The following CNTN5 variants were observed in gnomAD, a reference collection of about 807,000 sequenced individuals.
The protein encoded by CNTN5 is contactin-5.
In CNTN5, 77 loss-of-function variants were observed where a neutral mutation model predicts 129.1. The ratio of observed to expected loss-of-function variants is 0.60; its 90% CI spans 0.50 to 0.72. The LOEUF is 0.72. CNTN5 is among the 30% of genes least tolerant of loss of function. The pLI, the probability that CNTN5 is intolerant of heterozygous loss-of-function variation, is 0.00. For synonymous variants in CNTN5, 509 were observed against 465.6 expected (o/e 1.09, Z -1.20); for missense variants, 1,478 against 1,328.8 (o/e 1.11, Z -1.75).
chr11:99,317,646 T>C (rs1385829590), intron 1 of CNTN5, among the ~76,000 whole-genome samples: 1 of 152,146 alleles, frequency 6.6e-6, no homozygotes, highest in African/African-American at 2.4e-5. Flanking sequence ...ATAACACTGC[T>C]TAAATATCAA....
intron 1 of CNTN5, among the ~76,000 whole-genome samples, chr11:99,113,944 C>G (rs1422600714): frequency 6.6e-6 from 1 of 152,146 alleles, no homozygotes; most frequent in East Asian, 1.9e-4. Flanking sequence ...TCCTGAGACT[C>G]CTAATGAATC....
intron 21 of CNTN5, among the ~76,000 whole-genome samples, chr11:100,330,765 C>G (rs1438611854): frequency 6.6e-6 from 1 of 152,122 alleles, no homozygotes; most frequent in Non-Finnish European, 1.5e-5. Flanking sequence ...CTCTTCCAGA[C>G]AAACAAATGC....
At chr11:100,000,630 T>A (rs1273158699) in intron 8 of CNTN5, among the ~76,000 whole-genome samples, 1 of 152,144 alleles carries the variant, frequency 6.6e-6, no homozygotes, top group East Asian at 1.9e-4. Flanking sequence ...CAGTAAACAA[T>A]ACCCCAGTGG....
chr11:99,056,910 G>A (rs1056949605), intron 1 of CNTN5, among the ~76,000 whole-genome samples: 1 of 151,972 alleles, frequency 6.6e-6, no homozygotes, highest in African/African-American at 2.4e-5. Context: ...ATTTTTGAAT[G>A]TAACTTTTCT....
chr11:100,173,157 C>T (rs555437696), intron 13 of CNTN5, among the ~76,000 whole-genome samples: 17 of 152,244 alleles, frequency 1.1e-4, no homozygotes, highest in Middle Eastern at 3.4e-3. Context: ...TGCACCAGCT[C>T]TGCTTATCCA....
At chr11:99,406,864 A>G (rs1591636279) in intron 2 of CNTN5, among the ~76,000 whole-genome samples, 1 of 152,154 alleles carries the variant, frequency 6.6e-6, no homozygotes, top group South Asian at 2.1e-4. Flanking sequence ...GTACTGCCAG[A>G]ATACTGCAGA....
At chr11:99,983,652 C>T (rs1016351130) in intron 8 of CNTN5, among the ~76,000 whole-genome samples, 1 of 152,156 alleles carries the variant, frequency 6.6e-6, no homozygotes, top group African/African-American at 2.4e-5. Flanking sequence ...TGGAGAAAGA[C>T]ATTGATTGAC....
intron 9 of CNTN5, among the ~76,000 whole-genome samples, chr11:100,020,621 T>C (rs1221966049): frequency 6.6e-6 from 1 of 152,134 alleles, no homozygotes; most frequent in Non-Finnish European, 1.5e-5. Context: ...AGATCTTTTA[T>C]GGTTTCATAT....
intron 6 of CNTN5, 102 bp from the exon 7 acceptor site, chr11:99,915,952 C>T (rs936238473): frequency 4.7e-6 from 4 of 845,468 alleles, no homozygotes; most frequent in Non-Finnish European, 1.9e-6. Flanking sequence ...AAACAAAAGA[C>T]ACCTTGTGAA....
chr11:100,050,704 A>AT (rs139714812), intron 9 of CNTN5, among the ~76,000 whole-genome samples: 2,051 of 152,146 alleles, frequency 0.013, 60 homozygotes, highest in African/African-American at 0.047. Flanking sequence ...TTTAAAAATG[A>AT]TTTTTTATAT....
chr11:100,149,993 A>G (rs1211955876), intron 13 of CNTN5, among the ~76,000 whole-genome samples: 1 of 152,172 alleles, frequency 6.6e-6, no homozygotes, highest in African/African-American at 2.4e-5. Flanking sequence ...TTTAATCCAA[A>G]CAAACTGTGA....
rs575982120 is a variant in CNTN5, at chr11:99,167,999, G to A, written c.-210+146729G>A. ...TCCCCAGGCTGGAGTGCAGTGATGT[G>A]ATCTGGGTTCACTGCCTCTTCCACC... On this transcript the variant is annotated intron_variant, in intron 1 of 24. Coordinates refer to ENST00000524871, the MANE Select transcript of CNTN5 (RefSeq NM_014361.4). 8.6e-4 allele frequency among the ~76,000 whole-genome samples: 130 copies of A among 151,402 alleles called. 1 individual carries two copies. Among genetic ancestry groups the A allele is most frequent in the Admixed American group, 1.1e-3 (17 of 15,214 alleles).
intron 8 of CNTN5, among the ~76,000 whole-genome samples, chr11:99,966,992 C>T (rs760292805): frequency 7.9e-5 from 12 of 151,976 alleles, no homozygotes; most frequent in African/African-American, 2.2e-4. Context: ...ACTTTGGTAA[C>T]CCCTAATAGA....
intron 2 of CNTN5, among the ~76,000 whole-genome samples, chr11:99,469,844 G>A (rs1340577579): frequency 6.6e-6 from 1 of 152,052 alleles, no homozygotes; most frequent in African/African-American, 2.4e-5. Context: ...TACTGGAAGT[G>A]ATAAGGTTAA....
intron 3 of CNTN5, among the ~76,000 whole-genome samples, chr11:99,769,488 C>T (rs188753342): frequency 1.4e-4 from 21 of 152,202 alleles, no homozygotes; most frequent in Admixed American, 5.2e-4. Flanking sequence ...AACTTGATCT[C>T]CCATTTCCTG....
intron 3 of CNTN5, among the ~76,000 whole-genome samples, chr11:99,577,593 T>G (rs1174741490): frequency 6.6e-6 from 1 of 152,158 alleles, no homozygotes; most frequent in Non-Finnish European, 1.5e-5. Flanking sequence ...GTGTGACAGA[T>G]GATTATTTTT....
In CNTN5 at chr11:99,135,823, G is replaced by T. The variant is rs374821823; in HGVS notation, c.-210+114553G>T. On this transcript the variant is annotated intron_variant, in intron 1 of 24. Transcript: ENST00000524871. The stretch of plus-strand genomic sequence containing the variant: ...AATTAGTACCAAGATCTGTGTCCGT[G>T]ATTACCAATTATTATTTATTTGCTG... 2.6e-5 allele frequency among the ~76,000 whole-genome samples: 4 copies of T among 152,126 alleles called. No individual in the cohort carries two copies. In the East Asian group the frequency reaches 7.7e-4, roughly 29 times the overall value.
intron 1 of CNTN5, among the ~76,000 whole-genome samples, chr11:99,162,058 T>C (rs1249641436): frequency 6.6e-6 from 1 of 152,180 alleles, no homozygotes; most frequent in African/African-American, 2.4e-5. Context: ...GTATTGCTTC[T>C]ACAACCCTAG....
At chr11:100,310,881 G>A (rs1341315008) in intron 21 of CNTN5, among the ~76,000 whole-genome samples, 1 of 151,892 alleles carries the variant, frequency 6.6e-6, no homozygotes. Context: ...GGTGAGAGTA[G>A]GGAGCACAGG....
Sources: gnomAD v4.1 joint callset for allele counts (sites outside exome capture counted in the v4.1 genomes callset) on GRCh38, gnomAD v4.1.1 for gene constraint, MANE v1.5 for transcripts, NCBI Gene and HGNC (gene_info 2026-07-23, HGNC 2026-07-21) for gene names.